Variants in FAM227B observed in about 807,000 individuals in gnomAD.
FAM227B encodes the protein family with sequence similarity 227 member B, also known as protein FAM227B.
A neutral mutation model predicts 73.8 loss-of-function variants in FAM227B; 88 were observed. The ratio of observed to expected loss-of-function variants is 1.19; its 90% confidence interval spans 1.00 to 1.42. The LOEUF is 1.42. FAM227B is among the 40% of genes most tolerant of loss of function. The pLI is 0.00. For missense variants in FAM227B, 632 were observed against 590.9 expected, an observed-to-expected ratio of 1.07 and a Z score of -0.72; for synonymous variants, 210 against 190.5, an observed-to-expected ratio of 1.10 and a Z score of -0.84.
intron 9 of FAM227B, among the ~76,000 whole-genome samples, chr15:49,557,178 T>C (rs1193106686): frequency 6.6e-6 from 1 of 152,214 alleles, no homozygotes; most frequent in African/African-American, 2.4e-5. Flanking sequence ...TGGTAGCAGA[T>C]ATTCCTTCTG....
intron 3 of FAM227B, among the ~76,000 whole-genome samples, chr15:49,603,947 T>C (rs1324848349): frequency 1.3e-5 from 2 of 152,210 alleles, no homozygotes; most frequent in Admixed American, 6.5e-5. Context: ...ATATGACATA[T>C]CACGCTGACT....
In FAM227B at chr15:49,512,236, C is replaced by A. The variant is rs573927049; in HGVS notation, c.875-3888G>T. On this transcript the variant is annotated intron_variant, in intron 10 of 15. Coordinates refer to ENST00000299338, the MANE Select transcript of FAM227B (RefSeq NM_152647.3). Reference sequence around the variant, plus strand: ...CCATATGATTTAAATCTCTTGAAAGCTGGAAGTATTTGATTTTTGGCTGAA... The same window carrying A: ...CCATATGATTTAAATCTCTTGAAAGATGGAAGTATTTGATTTTTGGCTGAA... Among the ~76,000 whole-genome samples, 3 of 152,060 alleles carry A rather than the reference C, an allele frequency of 2.0e-5. No homozygotes were observed. In the East Asian group the frequency reaches 5.8e-4, roughly 29 times the overall value.
chr15:49,417,802 A>G (rs1282767805), intron 11 of FAM227B, among the ~76,000 whole-genome samples: 2 of 152,224 alleles, frequency 1.3e-5, no homozygotes, highest in African/African-American at 4.8e-5. Flanking sequence ...AATTGCAACA[A>G]AAGCAAAAAT....
intron 9 of FAM227B, among the ~76,000 whole-genome samples, chr15:49,548,210 G>C (rs1158248793): frequency 1.3e-5 from 2 of 151,860 alleles, no homozygotes; most frequent in African/African-American, 4.8e-5. Context: ...CCAATTTTTT[G>C]ATAATTTTTA....
intron 11 of FAM227B, among the ~76,000 whole-genome samples, chr15:49,475,652 T>C (rs1597434885): frequency 6.6e-6 from 1 of 152,200 alleles, no homozygotes; most frequent in East Asian, 1.9e-4. Flanking sequence ...GATATTTTTT[T>C]TACTTTGTAA....
intron 11 of FAM227B, among the ~76,000 whole-genome samples, chr15:49,502,385 T>C (rs1161653848): frequency 1.3e-5 from 2 of 152,232 alleles, no homozygotes; most frequent in Non-Finnish European, 2.9e-5. Flanking sequence ...TTGGTGCCCA[T>C]CCTTTGCACC....
chr15:49,579,194 T>C (rs888522842), intron 5 of FAM227B, among the ~76,000 whole-genome samples: 2 of 152,158 alleles, frequency 1.3e-5, no homozygotes, highest in African/African-American at 4.8e-5. Flanking sequence ...TCTTATATAC[T>C]ATTGGTGGGA....
rs567704967 is a variant in FAM227B at position 49,494,358 on chromosome 15, CT to C, written c.1012+13852del. Among the ~76,000 whole-genome samples the C allele has an allele frequency of 4.6e-4, 70 of 151,818 alleles. 1 individual carries two copies. The highest frequency in any genetic ancestry group is 1.2e-3 in the Admixed American group (18 of 15,246). ...ACAAAGAAACGTATATTGTCAAGAA[CT>C]GCAATTTCAGTTTTGTTTTTGTTGC... On this transcript the variant is annotated intron_variant, in intron 11 of 15. Transcript: ENST00000299338.
At position 49,347,848 on chromosome 15, in the gene FAM227B, G is replaced by A. The variant is rs368640895; in HGVS notation, c.1272-12352C>T. Among the ~76,000 whole-genome samples, 51 of 151,886 alleles carry A rather than the reference G, an allele frequency of 3.4e-4. No individual in the cohort carries two copies. The East Asian group carries it at 6.8e-3, about 20-fold the overall frequency. On this transcript the variant is annotated intron_variant, in intron 13 of 15. Coordinates refer to ENST00000299338, the MANE Select transcript of FAM227B (RefSeq NM_152647.3). ...AGCCTGGCCAACATGGTGAAACCCCGTCTCTACTAAAAATATACAAATTAG... is the reference window on the plus strand; with the variant it reads ...AGCCTGGCCAACATGGTGAAACCCCATCTCTACTAAAAATATACAAATTAG...
intron 11 of FAM227B, among the ~76,000 whole-genome samples, chr15:49,377,515 C>G (rs544236945): frequency 3.9e-5 from 6 of 152,122 alleles, no homozygotes; most frequent in Admixed American, 3.3e-4. Flanking sequence ...TCTCCATATC[C>G]TTGCCTATTA....
intron 3 of FAM227B, among the ~76,000 whole-genome samples, chr15:49,600,372 G>A (rs1220495803): frequency 2.7e-5 from 4 of 147,524 alleles, no homozygotes; most frequent in South Asian, 2.1e-4. Flanking sequence ...TTTTAAATCC[G>A]GCCAGGCATG....
At chr15:49,533,882 G>GT (rs937412232) in intron 10 of FAM227B, among the ~76,000 whole-genome samples, 1 of 151,756 alleles carries the variant, frequency 6.6e-6, no homozygotes, top group African/African-American at 2.4e-5. Flanking sequence ...TAATTGAAAC[G>GT]TAAGGACTTA....
At chr15:49,491,409 T>C (rs563322173) in intron 11 of FAM227B, among the ~76,000 whole-genome samples, 9 of 151,950 alleles carry the variant, frequency 5.9e-5, no homozygotes, top group Non-Finnish European at 1.2e-4. Flanking sequence ...AACAATTGGC[T>C]CTAACTCGAC....
intron 11 of FAM227B, among the ~76,000 whole-genome samples, chr15:49,462,385 A>C (rs1386407372): frequency 6.6e-6 from 1 of 152,202 alleles, no homozygotes; most frequent in East Asian, 1.9e-4. Flanking sequence ...GATATTTCTT[A>C]ATCACAATGC....
rs75410533 is a variant in FAM227B at position 49,583,486 on chromosome 15, T to C, written c.405+4530A>G. On this transcript the variant is annotated intron_variant, in intron 5 of 15. Transcript: ENST00000299338. ...AAATGACATGACAATGTCAGGAGGTTACTCTTTTTGGTCTAAAAAGGGGAG... is the reference window on the plus strand; with the variant it reads ...AAATGACATGACAATGTCAGGAGGTCACTCTTTTTGGTCTAAAAAGGGGAG... 4.5e-3 allele frequency among the ~76,000 whole-genome samples: 684 copies of C among 152,238 alleles called. 7 individuals carry two copies. Among genetic ancestry groups the C allele is most frequent in the Non-Finnish European group, 5.6e-3 (384 of 68,006 alleles).
chr15:49,468,669 C>G (rs565260171), intron 11 of FAM227B, among the ~76,000 whole-genome samples: 1 of 152,208 alleles, frequency 6.6e-6, no homozygotes, highest in East Asian at 1.9e-4. Context: ...TTTGTGTTGC[C>G]CCTTCAAAGT....
At chr15:49,588,142 TAAAC>T in intron 4 of FAM227B, 59 bp from the exon 5 acceptor site, 3 of 1,038,110 alleles carry the variant, frequency 2.9e-6, no homozygotes, top group Non-Finnish European at 3.8e-6. Flanking sequence ...CCTCTAAAAA[TAAAC>T]AAAATTTTAA....
rs140523940 is a variant in FAM227B, at chr15:49,522,033, A to G, written c.875-13685T>C. On this transcript the variant is annotated intron_variant, in intron 10 of 15. Coordinates refer to ENST00000299338, the MANE Select transcript of FAM227B (RefSeq NM_152647.3). ...ACTGCACCACCAAATAACCTGCTGA[A>G]GCACACCATGCTAGGGCAGGAGATA... Among the ~76,000 whole-genome samples the G allele has an allele frequency of 2.8e-4, 43 of 152,296 alleles. No homozygotes were observed. The East Asian group carries it at 8.1e-3, about 29-fold the overall frequency.
At chr15:49,485,756 A>G (rs1178926530) in intron 11 of FAM227B, 1 of 152,488 alleles carries the variant, frequency 6.6e-6, no homozygotes, top group Admixed American at 6.6e-5. Flanking sequence ...CATTACAAAT[A>G]TAAGTATTTA....
Sources: allele counts gnomAD v4.1 joint callset (sites outside exome capture counted in the v4.1 genomes callset), GRCh38; gene constraint gnomAD v4.1.1; transcripts MANE v1.5; gene names NCBI Gene and HGNC (gene_info 2026-07-23, HGNC 2026-07-21).